Variants in PALM2AKAP2 observed in about 807,000 individuals in gnomAD.
PALM2AKAP2 encodes PALM2 and AKAP2 fusion.
In PALM2AKAP2, 37 loss-of-function variants were observed where a neutral mutation model predicts 71.5. The ratio of observed to expected loss-of-function variants is 0.52; its 90% confidence interval spans 0.40 to 0.68. PALM2AKAP2 has a LOEUF of 0.68. Ranked by LOEUF, PALM2AKAP2 falls within the 30% of genes least tolerant of loss-of-function variation. The probability of loss-of-function intolerance (pLI) is 0.00; values close to 1 mark genes in which losing one functional copy is unlikely to be tolerated. For missense variants in PALM2AKAP2, 1,224 were observed against 1,191.8 expected (o/e 1.03, Z -0.40); for synonymous variants, 468 against 478.8 (o/e 0.98, Z 0.29).
At chr9:109,900,701 C>A (rs951124274) in intron 3 of PALM2AKAP2, among the ~76,000 whole-genome samples, 1 of 152,132 alleles carries the variant, frequency 6.6e-6, no homozygotes, top group Admixed American at 6.5e-5. Flanking sequence ...GGGAGGCAAG[C>A]CTTTAGAGTT....
intron 1 of PALM2AKAP2, 123 bp from the exon 8 acceptor site, chr9:110,136,004 T>C: frequency 1.6e-6 from 2 of 1,245,228 alleles, no homozygotes; most frequent in Non-Finnish European, 2.2e-6. Flanking sequence ...AAATATCTAT[T>C]CAAAAGAATT....
At chr9:109,706,923 C>T (rs1361832847) in intron 1 of PALM2AKAP2, among the ~76,000 whole-genome samples, 3 of 152,066 alleles carry the variant, frequency 2.0e-5, no homozygotes, top group African/African-American at 7.2e-5. Context: ...TGGGAAGTGA[C>T]TACTAAGGGT....
At chr9:109,675,588 A>G (rs563885612) in intron 1 of PALM2AKAP2, among the ~76,000 whole-genome samples, 11 of 152,152 alleles carry the variant, frequency 7.2e-5, no homozygotes, top group Admixed American at 1.3e-4. Flanking sequence ...TCTCCTCATT[A>G]TGTTAGCAGA....
intron 7 of PALM2AKAP2, among the ~76,000 whole-genome samples, chr9:110,031,211 C>G (rs574836149): frequency 6.6e-6 from 1 of 152,186 alleles, no homozygotes; most frequent in Non-Finnish European, 1.5e-5. Flanking sequence ...CAACCTCCAC[C>G]TCCCAGGTTC....
At chr9:109,883,926 C>G (rs780728098) in intron 3 of PALM2AKAP2, among the ~76,000 whole-genome samples, 2 of 152,186 alleles carry the variant, frequency 1.3e-5, no homozygotes, top group Non-Finnish European at 2.9e-5. Flanking sequence ...GAGGGCTGAG[C>G]AGAAACAAGG....
At chr9:110,129,215 T>C (rs1258360780) in intron 1 of PALM2AKAP2, among the ~76,000 whole-genome samples, 1 of 152,220 alleles carries the variant, frequency 6.6e-6, no homozygotes. Flanking sequence ...TTCATCTATT[T>C]CTGACCAAGA....
intron 1 of PALM2AKAP2, among the ~76,000 whole-genome samples, chr9:109,700,702 G>A (rs1246079597): frequency 2.0e-5 from 3 of 152,148 alleles, no homozygotes; most frequent in Non-Finnish European, 2.9e-5. Flanking sequence ...AAAGCTCTTG[G>A]CATCCTCCCC....
chr9:109,999,987 G>A (rs978005907), intron 6 of PALM2AKAP2, among the ~76,000 whole-genome samples: 92 of 150,684 alleles, frequency 6.1e-4, no homozygotes, highest in African/African-American at 2.2e-3. Flanking sequence ...TTATTGAATG[G>A]ACCATTCCAT....
intron 1 of PALM2AKAP2, among the ~76,000 whole-genome samples, chr9:109,804,476 T>A (rs570140928): frequency 6.6e-5 from 10 of 152,374 alleles, no homozygotes; most frequent in African/African-American, 2.4e-4. Context: ...GCTGAAATCA[T>A]AGAAGTTAGT....
chr9:110,057,445 C>T (rs767959192), intron 1 of PALM2AKAP2, among the ~76,000 whole-genome samples: 2 of 147,980 alleles, frequency 1.4e-5, no homozygotes, highest in Non-Finnish European at 3.0e-5. Flanking sequence ...GTGGCGCCAT[C>T]TCAGCTCACT....
chr9:109,660,803 T>A (rs1827381814), intron 1 of PALM2AKAP2, among the ~76,000 whole-genome samples: 1 of 152,208 alleles, frequency 6.6e-6, no homozygotes, highest in African/African-American at 2.4e-5. Flanking sequence ...AGCATTCCTA[T>A]TTCTCCATAT....
Position 109,790,408 on chromosome 9 carries a change from A to T in PALM2AKAP2, c.45+9875A>T, listed in dbSNP as rs556697858. ...ACTTTATTTTTAAATTCAGGGCTGA[A>T]ACTTAAAACCTTGAGGGTTACCAAA... is the stretch of plus-strand genomic sequence containing the variant. On this transcript the variant is annotated intron_variant, in intron 1 of 9. Transcript: ENST00000302798. Among the ~76,000 whole-genome samples, 230 of 152,308 alleles carry T rather than the reference A, an allele frequency of 1.5e-3. 1 individual carries two copies. Among genetic ancestry groups the T allele is most frequent in the Non-Finnish European group, 2.8e-3 (193 of 68,020 alleles).
intron 1 of PALM2AKAP2, among the ~76,000 whole-genome samples, chr9:109,819,725 G>A (rs1357247976): frequency 6.6e-6 from 1 of 151,240 alleles, no homozygotes; most frequent in Non-Finnish European, 1.5e-5. Context: ...GTGTGTGTGT[G>A]TGTGTGTGTA....
chr9:109,685,946 A>G lies in PALM2AKAP2; in HGVS notation c.5+45080A>G, dbSNP rs373042544. On this transcript the variant is annotated intron_variant, in intron 1 of 6. Coordinates refer to the PALM2AKAP2 transcript ENST00000374531. ...AAACTAAGTTTATGTAATATTCTAA[A>G]TCCTTTCTGTGATTTCAACAATGCT... Among the ~76,000 whole-genome samples, 5 of 152,264 alleles carry G rather than the reference A, an allele frequency of 3.3e-5. No individual in the cohort carries two copies. In the East Asian group the frequency reaches 5.8e-4, roughly 18 times the overall value.
intron 6 of PALM2AKAP2, among the ~76,000 whole-genome samples, chr9:110,008,057 C>T (rs1223149304): frequency 6.6e-6 from 1 of 152,130 alleles, no homozygotes; most frequent in African/African-American, 2.4e-5. Context: ...GATAATTTTT[C>T]ATGGCCAGTT....
intron 1 of PALM2AKAP2, among the ~76,000 whole-genome samples, chr9:110,063,920 C>T (rs1457218981): frequency 6.6e-6 from 1 of 152,160 alleles, no homozygotes; most frequent in Non-Finnish European, 1.5e-5. Context: ...GGGGTGCACA[C>T]AGTTCATCCC....
chr9:110,140,101 T>G (rs765960119), intron 2 of PALM2AKAP2, among the ~76,000 whole-genome samples: 14 of 152,228 alleles, frequency 9.2e-5, no homozygotes, highest in Admixed American at 5.9e-4. Context: ...ACTGTGGTAT[T>G]CTGCAATTTT....
intron 2 of PALM2AKAP2, among the ~76,000 whole-genome samples, chr9:110,150,497 C>T (rs1836283099): frequency 6.6e-6 from 1 of 152,198 alleles, no homozygotes; most frequent in African/African-American, 2.4e-5. Context: ...CTCTCTCTCG[C>T]TGACCCTCCT....
chr9:109,896,397 A>G (rs576320393), intron 3 of PALM2AKAP2, among the ~76,000 whole-genome samples: 3 of 152,282 alleles, frequency 2.0e-5, no homozygotes, highest in African/African-American at 7.2e-5. Context: ...TCTGGCAGGG[A>G]GGAAGCATGA....
Sources: allele counts gnomAD v4.1 joint callset (sites outside exome capture counted in the v4.1 genomes callset), GRCh38; gene constraint gnomAD v4.1.1; transcripts MANE v1.5; gene names NCBI Gene and HGNC (gene_info 2026-07-23, HGNC 2026-07-21).